The following TNNI3K variants were observed in gnomAD, a reference collection of about 807,000 sequenced individuals.
The protein encoded by TNNI3K is serine/threonine-protein kinase TNNI3K.
Under a neutral mutation model 114.5 loss-of-function variants are expected in TNNI3K, and 140 were observed. That is an observed-to-expected ratio of 1.22 (90% CI 1.07 to 1.41). The LOEUF (loss-of-function observed/expected upper bound fraction) is 1.41. TNNI3K is among the 40% of genes most tolerant of loss of function. The pLI is 0.00. For missense variants in TNNI3K, 1,125 were observed against 1,007.6 expected (o/e 1.12, Z -1.58); for synonymous variants, 347 against 347.5 (o/e 1.00, Z 0.02).
intron 23 of TNNI3K, among the ~76,000 whole-genome samples, chr1:74,517,314 C>T (rs1289077885): frequency 1.3e-5 from 2 of 152,198 alleles, no homozygotes; most frequent in Non-Finnish European, 2.9e-5. Context: ...TTAGAATTTT[C>T]ACTCCATCCA....
At chr1:74,539,601 T>C (rs146107285) in intron 23 of TNNI3K, among the ~76,000 whole-genome samples, 5 of 152,258 alleles carry the variant, frequency 3.3e-5, no homozygotes, top group Non-Finnish European at 7.4e-5. Flanking sequence ...GAAATTCATA[T>C]TTGATAGTAG....
chr1:74,253,861 C>G (rs1054957566), intron 4 of TNNI3K, among the ~76,000 whole-genome samples: 5 of 152,288 alleles, frequency 3.3e-5, no homozygotes, highest in African/African-American at 1.2e-4. Flanking sequence ...GCCGAGAAGG[C>G]ACCAAGAGCG....
At chr1:74,447,632 A>G (rs1476635201) in intron 20 of TNNI3K, among the ~76,000 whole-genome samples, 1 of 51,404 alleles carries the variant, frequency 1.9e-5, no homozygotes, top group African/African-American at 9.7e-5. Context: ...GAGGATGAGG[A>G]GAAATAGGAA....
chr1:74,519,613 A>C (rs1326581049), intron 23 of TNNI3K, among the ~76,000 whole-genome samples: 1 of 152,200 alleles, frequency 6.6e-6, no homozygotes, highest in African/African-American at 2.4e-5. Flanking sequence ...TTTAAACTAA[A>C]ATCATAAGAA....
At chr1:74,429,784 C>T in intron 17 of TNNI3K, among the ~76,000 whole-genome samples, 1 of 152,102 alleles carries the variant, frequency 6.6e-6, no homozygotes, top group East Asian at 1.9e-4. Context: ...CTAATTGCTT[C>T]CACTGATTTA....
At chr1:74,296,267 C>T (rs1388307594) in intron 5 of TNNI3K, among the ~76,000 whole-genome samples, 5 of 147,822 alleles carry the variant, frequency 3.4e-5, no homozygotes, top group Admixed American at 6.7e-5. Flanking sequence ...CAGAGCAAGA[C>T]TCCGTCAAAA....
chr1:74,420,781 G>T (rs1183059951), intron 17 of TNNI3K, among the ~76,000 whole-genome samples: 1 of 152,120 alleles, frequency 6.6e-6, no homozygotes, highest in Non-Finnish European at 1.5e-5. Context: ...TTAAAGTTGG[G>T]AATGTGACTT....
At chr1:74,461,057 A>G (rs1667433313) in intron 20 of TNNI3K, among the ~76,000 whole-genome samples, 1 of 151,092 alleles carries the variant, frequency 6.6e-6, no homozygotes, top group Non-Finnish European at 1.5e-5. Context: ...TGGCTTATGT[A>G]CTTACAGCTA....
intron 21 of TNNI3K, among the ~76,000 whole-genome samples, chr1:74,483,727 A>C (rs1394208695): frequency 6.6e-6 from 1 of 152,212 alleles, no homozygotes; most frequent in Non-Finnish European, 1.5e-5. Context: ...CTAAAGAAAC[A>C]GCTCAGGATG....
intron 9 of TNNI3K, among the ~76,000 whole-genome samples, chr1:74,345,376 G>C (rs145102309): frequency 6.6e-6 from 1 of 152,050 alleles, no homozygotes; most frequent in African/African-American, 2.4e-5. Context: ...GTAAACAGAG[G>C]TGTATCCAAT....
At chr1:74,242,294 A>AAGAATGCTCTGTTCCATTAAATAGTC (rs1654284384) in intron 2 of TNNI3K, among the ~76,000 whole-genome samples, 1 of 152,202 alleles carries the variant, frequency 6.6e-6, no homozygotes, top group Non-Finnish European at 1.5e-5. Flanking sequence ...AAGTGGTCAA[A>AAGAATGCTCTGTTCCATTAAATAGTC]AGAATGCTCT....
At chr1:74,480,889 C>A in intron 21 of TNNI3K, 1 of 717,384 alleles carries the variant, frequency 1.4e-6, no homozygotes, top group Non-Finnish European at 2.6e-6. Context: ...CAAGATTAAA[C>A]AAGAGAGACA....
At chr1:74,455,649 A>C (rs1667196559) in intron 20 of TNNI3K, among the ~76,000 whole-genome samples, 2 of 152,218 alleles carry the variant, frequency 1.3e-5, no homozygotes, top group South Asian at 4.1e-4. Context: ...CCTGAGAATC[A>C]GGAGGGTCAC....
At chr1:74,261,989 A>G (rs1325691568) in intron 4 of TNNI3K, among the ~76,000 whole-genome samples, 1 of 152,146 alleles carries the variant, frequency 6.6e-6, no homozygotes, top group East Asian at 1.9e-4. Context: ...TGTGCCCATC[A>G]GAAAACTCTG....
chr1:74,252,270 T>C (rs1271203268), intron 4 of TNNI3K, among the ~76,000 whole-genome samples: 1 of 152,202 alleles, frequency 6.6e-6, no homozygotes, highest in Non-Finnish European at 1.5e-5. Flanking sequence ...CTTTGCTCTA[T>C]TTTTATGTTT....
intron 10 of TNNI3K, 52 bp from the exon 11 acceptor site, chr1:74,353,928 G>C: frequency 1.3e-6 from 2 of 1,564,512 alleles, no homozygotes; most frequent in Non-Finnish European, 1.7e-6. Flanking sequence ...GAAAATTGGG[G>C]AGCAGTTTTT....
intron 22 of TNNI3K, 57 bp downstream of exon 22, chr1:74,489,305 G>A (rs761357387): frequency 1.4e-5 from 22 of 1,549,646 alleles, no homozygotes; most frequent in Middle Eastern, 1.7e-4. Flanking sequence ...ATCCAAGGCT[G>A]TCAGGGAATG....
At chr1:74,348,495 C>G (rs1252047109) in intron 9 of TNNI3K, among the ~76,000 whole-genome samples, 7 of 152,192 alleles carry the variant, frequency 4.6e-5, no homozygotes, top group Non-Finnish European at 1.0e-4. Context: ...TTTCTTGGTT[C>G]CATAAGAACT....
chr1:74,416,136 C>A (rs900474179), intron 17 of TNNI3K, among the ~76,000 whole-genome samples: 2 of 152,150 alleles, frequency 1.3e-5, no homozygotes, highest in African/African-American at 4.8e-5. Context: ...ATCTCTGGTT[C>A]TCAAGCGTCC....
Sources: gnomAD v4.1 joint callset for allele counts (sites outside exome capture counted in the v4.1 genomes callset) on GRCh38, gnomAD v4.1.1 for gene constraint, MANE v1.5 for transcripts, NCBI Gene and HGNC (gene_info 2026-07-23, HGNC 2026-07-21) for gene names.